The following STXBP4 variants were observed in gnomAD, a reference collection of about 807,000 sequenced individuals.
The protein encoded by STXBP4 is syntaxin binding protein 4, also known as syntaxin-binding protein 4.
A neutral mutation model predicts 76.1 loss-of-function variants in STXBP4; 55 were observed. That is an observed-to-expected ratio of 0.72 (90% CI 0.58 to 0.91). The LOEUF (loss-of-function observed/expected upper bound fraction) is 0.91. STXBP4 is among the 40% of genes least tolerant of loss of function. STXBP4 has a pLI of 0.00. For synonymous variants in STXBP4, 201 were observed against 220.2 expected, an observed-to-expected ratio of 0.91 and a Z score of 0.77; for missense variants, 618 against 636.9, an observed-to-expected ratio of 0.97 and a Z score of 0.32.
intron 16 of STXBP4, among the ~76,000 whole-genome samples, chr17:55,117,835 C>T (rs2079799342): frequency 1.3e-5 from 2 of 151,914 alleles, no homozygotes; most frequent in African/African-American, 2.4e-5. Context: ...ATCATCACTT[C>T]TACTCCCTTC....
chr17:55,146,902 A>G (rs1317262728), intron 17 of STXBP4, among the ~76,000 whole-genome samples: 1 of 152,212 alleles, frequency 6.6e-6, no homozygotes, highest in Non-Finnish European at 1.5e-5. Flanking sequence ...AGGGAGAAAG[A>G]CAAAAGCTAC....
At chr17:55,126,805 G>T (rs1038199809) in intron 16 of STXBP4, among the ~76,000 whole-genome samples, 1 of 152,118 alleles carries the variant, frequency 6.6e-6, no homozygotes, top group Non-Finnish European at 1.5e-5. Flanking sequence ...ACAGTATCTG[G>T]AAAAGCAGAG....
chr17:55,038,994 A>G (rs2078650626), intron 10 of STXBP4, among the ~76,000 whole-genome samples: 1 of 152,220 alleles, frequency 6.6e-6, no homozygotes, highest in Admixed American at 6.5e-5. Context: ...CACGTATAGC[A>G]GTAAATACTT....
chr17:55,199,488 A>G, the STXBP4 span, among the ~76,000 whole-genome samples: 1 of 152,216 alleles, frequency 6.6e-6, no homozygotes. Flanking sequence ...CTGAAAGACC[A>G]TCGCCATCGT....
chr17:55,123,721 A>G (rs374268296), intron 16 of STXBP4, among the ~76,000 whole-genome samples: 3 of 152,024 alleles, frequency 2.0e-5, no homozygotes, highest in East Asian at 3.9e-4. Context: ...TAAGACAGTG[A>G]AACCCCGTCT....
rs370168570 is a variant in STXBP4 at position 54,977,213 on chromosome 17, A to G, written c.-157+8398A>G. Among the ~76,000 whole-genome samples the G allele has an allele frequency of 3.9e-5, 6 of 152,232 alleles. No individual in the cohort carries two copies. The East Asian group carries it at 9.6e-4, about 24-fold the overall frequency. ...AGATTCTTGAAAGAAAAAAACATGC[A>G]CTAGTAAACAGAATATTGCCTTTGG... On this transcript the variant is annotated intron_variant, in intron 1 of 17. Coordinates refer to ENST00000376352, the MANE Select transcript of STXBP4 (RefSeq NM_178509.6).
chr17:55,146,134 G>T (rs369640873), intron 17 of STXBP4, among the ~76,000 whole-genome samples: 1 of 152,094 alleles, frequency 6.6e-6, no homozygotes, highest in Non-Finnish European at 1.5e-5. Flanking sequence ...CAAGTTTGTA[G>T]TAAAACTGAA....
At chr17:55,135,098 G>A (rs1437161904) in intron 16 of STXBP4, among the ~76,000 whole-genome samples, 1 of 152,084 alleles carries the variant, frequency 6.6e-6, no homozygotes, top group Non-Finnish European at 1.5e-5. Flanking sequence ...AATGAATGTT[G>A]GCATTTCCCC....
chr17:55,123,699 G>C (rs1013099910), intron 16 of STXBP4, among the ~76,000 whole-genome samples: 1 of 152,002 alleles, frequency 6.6e-6, no homozygotes, highest in Non-Finnish European at 1.5e-5. Context: ...AGGAGATCGA[G>C]ACCATCCTGG....
At chr17:55,101,999 C>T (rs1936426795) in intron 16 of STXBP4, among the ~76,000 whole-genome samples, 1 of 152,040 alleles carries the variant, frequency 6.6e-6, no homozygotes, top group Non-Finnish European at 1.5e-5. Flanking sequence ...AATGAAATGC[C>T]TTTATCTTTT....
At chr17:55,202,621 T>G in the STXBP4 span, among the ~76,000 whole-genome samples, 1 of 152,096 alleles carries the variant, frequency 6.6e-6, no homozygotes, top group African/African-American at 2.4e-5. Flanking sequence ...TCTATGCTCT[T>G]TCTATGTGAA....
chr17:54,989,698 A>T (rs1171770251), intron 3 of STXBP4, among the ~76,000 whole-genome samples: 5 of 152,232 alleles, frequency 3.3e-5, no homozygotes, highest in Non-Finnish European at 7.3e-5. Flanking sequence ...CCTAAATCTT[A>T]TTTCAAACTT....
At chr17:54,983,893 T>TA (rs2144351054) in intron 1 of STXBP4, among the ~76,000 whole-genome samples, 1 of 152,320 alleles carries the variant, frequency 6.6e-6, no homozygotes, top group South Asian at 2.1e-4. Flanking sequence ...GAGAGACTAC[T>TA]AGTCAAAGCC....
chr17:55,118,747 T>C (rs759846869), intron 16 of STXBP4, among the ~76,000 whole-genome samples: 2 of 151,828 alleles, frequency 1.3e-5, no homozygotes, highest in Non-Finnish European at 2.9e-5. Flanking sequence ...TTCAGAAAGA[T>C]AGAAGGAAAA....
intron 16 of STXBP4, among the ~76,000 whole-genome samples, chr17:55,089,624 A>T (rs766057160): frequency 2.6e-5 from 4 of 152,184 alleles, no homozygotes; most frequent in Non-Finnish European, 4.4e-5. Context: ...TATCATTATA[A>T]TGCCTTTGTG....
rs372513774 is a variant in STXBP4 at position 55,096,742 on chromosome 17, C to G, written c.1489+15559C>G. 3.3e-5 allele frequency among the ~76,000 whole-genome samples: 5 copies of G among 151,780 alleles called. No homozygotes were observed. In the South Asian group the frequency reaches 8.3e-4, roughly 25 times the overall value. On this transcript the variant is annotated intron_variant, in intron 16 of 17. Coordinates refer to ENST00000376352, the MANE Select transcript of STXBP4 (RefSeq NM_178509.6). ...CAAAAGCTCTCTTTGGGACTATTTGCGTAACAATACATAAAAAGGTAATAA... is the reference window on the plus strand; with the variant it reads ...CAAAAGCTCTCTTTGGGACTATTTGGGTAACAATACATAAAAAGGTAATAA...
chr17:55,095,983 T>C lies in STXBP4; in HGVS notation c.1489+14800T>C, dbSNP rs141548177. 4.0e-3 allele frequency among the ~76,000 whole-genome samples: 615 copies of C among 152,314 alleles called. 1 individual carries two copies. The highest frequency in any genetic ancestry group is 6.4e-3 in the Non-Finnish European group (433 of 68,018). ...GTATATGAAATAGCATGGTGTGTTA[T>C]AATTGATGGCACCTTAGATTTGGTG... On this transcript the variant is annotated intron_variant, in intron 16 of 17. Coordinates refer to ENST00000376352, the MANE Select transcript of STXBP4 (RefSeq NM_178509.6).
chr17:55,000,070 A>G lies in STXBP4; in HGVS notation c.498+228A>G, dbSNP rs572516708. On this transcript the variant is annotated intron_variant, in intron 6 of 17. Transcript: ENST00000376352. ...GCATGATTGGTTAGAAAATACCAGC[A>G]TGACAAAATGGTTCCACAAAGATAT... 17 of 354,846 alleles carry G rather than the reference A, an allele frequency of 4.8e-5. No individual in the cohort carries two copies. In the South Asian group the frequency reaches 1.7e-3, roughly 36 times the overall value. The allele number at this position is 354,846 out of a possible 1,614,324, so 22.0% of individuals were successfully genotyped here.
chr17:55,006,693 T>C (rs1230656335), intron 7 of STXBP4, among the ~76,000 whole-genome samples: 1 of 152,232 alleles, frequency 6.6e-6, no homozygotes, highest in Non-Finnish European at 1.5e-5. Context: ...TCATTTATGC[T>C]ACTTGAAATG....
Sources: gnomAD v4.1 joint callset for allele counts (sites outside exome capture counted in the v4.1 genomes callset) on GRCh38, gnomAD v4.1.1 for gene constraint, MANE v1.5 for transcripts, NCBI Gene and HGNC (gene_info 2026-07-23, HGNC 2026-07-21) for gene names.